Variants in DDX60L observed in about 807,000 individuals in gnomAD.
DDX60L encodes the protein DExD/H-box 60 like.
In DDX60L, 191 loss-of-function variants were observed where a neutral mutation model predicts 211.6. The ratio of observed to expected loss-of-function variants is 0.90; its 90% CI spans 0.80 to 1.02. The LOEUF (loss-of-function observed/expected upper bound fraction) is 1.02. DDX60L is among the 50% of genes least tolerant of loss of function. The pLI, the probability that DDX60L is intolerant of heterozygous loss-of-function variation, is 0.00. For synonymous variants in DDX60L, 706 were observed against 694.1 expected, an observed-to-expected ratio of 1.02 and a Z score of -0.27; for missense variants, 2,007 against 1,984.1, an observed-to-expected ratio of 1.01 and a Z score of -0.22.
At chr4:168,423,929 ACT>A (rs1751058855) in intron 14 of DDX60L, among the ~76,000 whole-genome samples, 155 bp from the exon 15 acceptor site, 1 of 152,062 alleles carries the variant, frequency 6.6e-6, no homozygotes, top group Non-Finnish European at 1.5e-5. Flanking sequence ...AAAAACTAAA[ACT>A]CATGATTAAA....
chr4:168,377,680 T>C (rs1742216848), intron 33 of DDX60L: 2 of 152,214 alleles, frequency 1.3e-5, no homozygotes, highest in African/African-American at 4.8e-5. Context: ...TCTGGAGGTA[T>C]ATCCAGAGGC....
chr4:168,365,788 C>T (rs1739878733), intron 36 of DDX60L, among the ~76,000 whole-genome samples: 1 of 152,032 alleles, frequency 6.6e-6, no homozygotes, highest in African/African-American at 2.4e-5. Context: ...AAGATACTAG[C>T]AAACCAAATT....
In DDX60L at chr4:168,408,035, A is replaced by G. The variant is rs151116351; in HGVS notation, c.2980-1329T>C. 2.7e-3 allele frequency among the ~76,000 whole-genome samples: 409 copies of G among 152,362 alleles called. 2 individuals carry two copies. Among genetic ancestry groups the G allele is most frequent in the Middle Eastern group, 0.014 (4 of 294 alleles). Reference sequence around the variant, plus strand: ...TTTGAACACACTAGTAACTGTATTCATTATCTCAGAAGGTGAGGATTTCAG... The same window carrying G: ...TTTGAACACACTAGTAACTGTATTCGTTATCTCAGAAGGTGAGGATTTCAG... On this transcript the variant is annotated intron_variant, in intron 22 of 37. Coordinates refer to ENST00000682922, the MANE Select transcript of DDX60L (RefSeq NM_001012967.3).
intron 8 of DDX60L, among the ~76,000 whole-genome samples, chr4:168,449,554 A>G (rs1178198619): frequency 7.6e-6 from 1 of 132,214 alleles, no homozygotes; most frequent in Non-Finnish European, 1.6e-5. Context: ...AGCATGGCAC[A>G]TGTATACATA....
At chr4:168,366,070 G>A (rs1036576356) in intron 36 of DDX60L, among the ~76,000 whole-genome samples, 3 of 151,768 alleles carry the variant, frequency 2.0e-5, no homozygotes, top group African/African-American at 2.4e-5. Flanking sequence ...AACATCATAC[G>A]ATCAGGAATA....
chr4:168,454,700 G>A (rs1451566470), intron 7 of DDX60L, among the ~76,000 whole-genome samples: 1 of 147,490 alleles, frequency 6.8e-6, no homozygotes, highest in Non-Finnish European at 1.5e-5. Flanking sequence ...AGCATAAAAT[G>A]CTCACTGCTC....
intron 36 of DDX60L, among the ~76,000 whole-genome samples, chr4:168,362,174 G>C (rs1739228045): frequency 6.6e-6 from 1 of 152,210 alleles, no homozygotes; most frequent in Non-Finnish European, 1.5e-5. Context: ...CTCCTGAAAA[G>C]ACTGCGGCAT....
chr4:168,394,781 C>A (rs1463169535), intron 27 of DDX60L, among the ~76,000 whole-genome samples, 164 bp from the exon 28 acceptor site: 1 of 152,214 alleles, frequency 6.6e-6, no homozygotes, highest in Non-Finnish European at 1.5e-5. Flanking sequence ...CGGAAACAAT[C>A]TGCCCATTTT....
intron 9 of DDX60L, among the ~76,000 whole-genome samples, chr4:168,444,575 A>AT (rs1478737404): frequency 8.8e-6 from 1 of 114,144 alleles, no homozygotes; most frequent in Admixed American, 9.3e-5. Context: ...CAGAATATAC[A>AT]TTTTTTTCAG....
At chr4:168,375,264 T>C in intron 34 of DDX60L, 113 bp downstream of exon 34, 1 of 1,126,902 alleles carries the variant, frequency 8.9e-7, no homozygotes, top group Non-Finnish European at 1.3e-6. Flanking sequence ...TTAGTACAGC[T>C]GCCCTGTAAT....
At chr4:168,403,955 A>ATTT in intron 25 of DDX60L, 27 bp downstream of exon 25, 1 of 1,369,176 alleles carries the variant, frequency 7.3e-7, no homozygotes, top group Non-Finnish European at 9.8e-7. Flanking sequence ...CATATAAACA[A>ATTT]AGATAAATTA....
At chr4:168,433,459 G>A (rs1752636868) in intron 10 of DDX60L, among the ~76,000 whole-genome samples, 2 of 151,840 alleles carry the variant, frequency 1.3e-5, no homozygotes. Flanking sequence ...GAAAAAAGAA[G>A]CACCACTCAG....
chr4:168,411,833 T>C (rs1217671227), intron 22 of DDX60L, among the ~76,000 whole-genome samples: 1 of 151,612 alleles, frequency 6.6e-6, no homozygotes, highest in Non-Finnish European at 1.5e-5. Flanking sequence ...TGAGCAAAAC[T>C]CCTCCCTTCT....
At chr4:168,360,477 A>G (rs1738915996) in intron 37 of DDX60L, among the ~76,000 whole-genome samples, 1 of 152,092 alleles carries the variant, frequency 6.6e-6, no homozygotes, top group Admixed American at 6.5e-5. Context: ...AAAACCACAA[A>G]TATGTCCTCA....
intron 22 of DDX60L, among the ~76,000 whole-genome samples, chr4:168,407,735 T>TA (rs975678344): frequency 2.0e-5 from 3 of 152,128 alleles, no homozygotes; most frequent in African/African-American, 4.8e-5. Flanking sequence ...ACTCCAAAGA[T>TA]AGAGTTCAGA....
At chr4:168,424,138 C>T (rs1751094706) in intron 14 of DDX60L, among the ~76,000 whole-genome samples, 1 of 152,180 alleles carries the variant, frequency 6.6e-6, no homozygotes, top group East Asian at 1.9e-4. Flanking sequence ...GTGTCTTCTA[C>T]TCTTGTTCAC....
chr4:168,358,353 A>G (rs77455438), intron 37 of DDX60L, 77 bp from the exon 38 acceptor site: 45,816 of 1,124,142 alleles, frequency 0.041, 1,458 homozygotes, highest in Admixed American at 0.11. Flanking sequence ...AAAGGTTAGC[A>G]GAAGTAATTC....
chr4:168,469,629 A>G (rs1447350988), intron 4 of DDX60L: 1 of 152,232 alleles, frequency 6.6e-6, no homozygotes, highest in Non-Finnish European at 1.5e-5. Context: ...CTGTAATCCC[A>G]GCACTTTGGG....
chr4:168,398,232 C>A (rs1011981906), intron 26 of DDX60L, among the ~76,000 whole-genome samples: 1 of 152,224 alleles, frequency 6.6e-6, no homozygotes, highest in African/African-American at 2.4e-5. Context: ...TCTGCTCCTG[C>A]TGCCTGGCCT....
Sources: gnomAD v4.1 joint callset for allele counts (sites outside exome capture counted in the v4.1 genomes callset) on GRCh38, gnomAD v4.1.1 for gene constraint, MANE v1.5 for transcripts, NCBI Gene and HGNC (gene_info 2026-07-23, HGNC 2026-07-21) for gene names.